The following CCDC169 variants were observed in gnomAD, a reference collection of about 807,000 sequenced individuals.
CCDC169 encodes coiled-coil domain containing 169, also known as coiled-coil domain-containing protein 169.
A neutral mutation model predicts 36.0 loss-of-function variants in CCDC169; 30 were observed. The ratio of observed to expected loss-of-function variants is 0.83; its 90% CI spans 0.62 to 1.13. The LOEUF is 1.13. Ranked by LOEUF, CCDC169 falls within the 50% of genes most tolerant of loss-of-function variation. CCDC169 has a pLI of 0.00. For synonymous variants in CCDC169, 85 were observed against 81.5 expected (o/e 1.04, Z -0.23); for missense variants, 245 against 245.9 (o/e 1.00, Z 0.03).
At chr13:36,227,220 TGA>T (rs1192017343), downstream of CCDC169, 1 of 1,548,494 alleles carries the variant, frequency 6.5e-7, no homozygotes, top group East Asian at 2.4e-5. Context: ...CAGGTGAGTC[TGA>T]CACACAGCCA....
chr13:36,234,446 A>C (rs1166609340), intron 7 of CCDC169, among the ~76,000 whole-genome samples: 9 of 152,250 alleles, frequency 5.9e-5, no homozygotes, highest in Middle Eastern at 3.4e-3. Context: ...AATAGCTAAA[A>C]ATTTCCCAAA....
chr13:36,230,849 C>T lies in CCDC169; in HGVS notation c.*344G>A. ...AAATGGCAAAAAGGTTTTATGAATA[C>T]ACACTTTTTGCTAACAGTCAACTAG... On this transcript the variant is annotated 3_prime_UTR_variant, in exon 8 of 8. Transcript: ENST00000239859. The T allele has an allele frequency of 1.2e-5, 12 of 999,380 alleles. No individual in the cohort carries two copies. Among genetic ancestry groups the T allele is most frequent in the Non-Finnish European group, 1.4e-5 (12 of 839,760 alleles). The allele number at this position is 999,380 out of a possible 1,614,324, so 61.9% of individuals were successfully genotyped here.
chr13:36,226,891 C>T (rs1309613901), downstream of CCDC169: 2 of 380,758 alleles, frequency 5.3e-6, no homozygotes, highest in Non-Finnish European at 9.3e-6. Context: ...CAAATCTCAG[C>T]ATTATACAAT....
chr13:36,223,043 C>T (rs1869695680), downstream of CCDC169: 1 of 152,122 alleles, frequency 6.6e-6, no homozygotes, highest in South Asian at 2.1e-4. Context: ...CAGATATAAG[C>T]TCATTGAACA....
At position 36,297,774 on chromosome 13, in the gene CCDC169, A is replaced by C. The variant is rs1163571625; in HGVS notation, c.-55T>G. On this transcript the variant is annotated 5_prime_UTR_variant, in exon 1 of 8. Coordinates refer to ENST00000239859, the MANE Select transcript of CCDC169 (RefSeq NM_001144981.3). ...TCCCCTCAGCACCTTAGAGCACAAG[A>C]CATTAAGGGCCACCCAGAAGCCAGT... 6.7e-7 allele frequency: 1 copy of C among 1,488,894 alleles called. No individual in the cohort carries two copies. Among genetic ancestry groups the C allele is most frequent in the African/African-American group, 1.4e-5 (1 of 71,992 alleles). 92.2% of individuals were successfully genotyped at this position (1,488,894 alleles called of 1,614,324 possible).
At chr13:36,246,673 A>G (rs538205689) in intron 7 of CCDC169, among the ~76,000 whole-genome samples, 1 of 152,364 alleles carries the variant, frequency 6.6e-6, no homozygotes, top group East Asian at 1.9e-4. Flanking sequence ...AATATGTCTT[A>G]TGTGTTGCAG....
chr13:36,257,634 C>T (rs950476917), intron 4 of CCDC169, among the ~76,000 whole-genome samples: 3 of 151,074 alleles, frequency 2.0e-5, no homozygotes, highest in African/African-American at 4.9e-5. Context: ...ACGCGGGAGG[C>T]GGGGGTTGTA....
At position 36,297,794 on chromosome 13, in the gene CCDC169, G is replaced by T; in HGVS notation, c.-75C>A. 7.2e-7 allele frequency: 1 copy of T among 1,384,902 alleles called. No individual in the cohort carries two copies. Among genetic ancestry groups the T allele is most frequent in the East Asian group, 2.5e-5 (1 of 39,986 alleles). The allele number at this position is 1,384,902 out of a possible 1,614,324, so 85.8% of individuals were successfully genotyped here. On this transcript the variant is annotated 5_prime_UTR_variant, in exon 1 of 8. Transcript: ENST00000239859. ...ACAAGACATTAAGGGCCACCCAGAA[G>T]CCAGTACGGCACGAGGCGGTGAACC...
At chr13:36,235,026 G>A (rs1870909665) in intron 7 of CCDC169, among the ~76,000 whole-genome samples, 2 of 151,850 alleles carry the variant, frequency 1.3e-5, no homozygotes, top group African/African-American at 4.8e-5. Context: ...TCTGTTGATG[G>A]AAACAAAATG....
At chr13:36,265,210 G>A (rs1875121045) in intron 4 of CCDC169, among the ~76,000 whole-genome samples, 1 of 152,164 alleles carries the variant, frequency 6.6e-6, no homozygotes, top group African/African-American at 2.4e-5. Context: ...TTCAGGGTAG[G>A]AGTTTGCCCT....
chr13:36,229,692 C>G (rs1336581567), downstream of CCDC169, among the ~76,000 whole-genome samples: 1 of 151,852 alleles, frequency 6.6e-6, no homozygotes, highest in Non-Finnish European at 1.5e-5. Context: ...CATGCACAAC[C>G]ACTCCAGGCT....
Position 36,253,796 on chromosome 13 carries a change from G to T in CCDC169, c.468+7C>A, listed in dbSNP as rs568355610. 7 of 1,545,196 alleles carry T rather than the reference G, an allele frequency of 4.5e-6. No individual in the cohort carries two copies. The African/African-American group carries it at 9.6e-5, about 21-fold the overall frequency. On this transcript the variant is annotated splice_region_variant and intron_variant, in intron 6 of 7. Transcript: ENST00000239859. ...ACACTTAGAATTTGGAAATAAAAAA[G>T]AGTTACCTGAGACATTTCAGCTAGG...
chr13:36,225,187 C>T (rs1869802784), downstream of CCDC169: 1 of 13,870 alleles, frequency 7.2e-5, no homozygotes, highest in South Asian at 5.5e-3. Context: ...CTATAAGAAT[C>T]CTAGAAGAAA....
chr13:36,250,970 T>C (rs9546878), intron 6 of CCDC169, among the ~76,000 whole-genome samples: 61,393 of 151,844 alleles, frequency 0.4, 13,144 homozygotes, highest in Non-Finnish European at 0.48. Flanking sequence ...TAAAATCCTA[T>C]GTTTACAAAG....
chr13:36,285,614 G>GATAGATAGATAGATACATAGATAC (rs568184993), intron 2 of CCDC169, among the ~76,000 whole-genome samples: 134 of 138,168 alleles, frequency 9.7e-4, no homozygotes, highest in Middle Eastern at 4.1e-3. Context: ...TAGATAGATA[G>GATAGATAGATAGATACATAGATAC]ATAGATACAT....
chr13:36,295,922 T>C, intron 1 of CCDC169, 65 bp from the exon 2 acceptor site: 1 of 899,094 alleles, frequency 1.1e-6, no homozygotes, highest in East Asian at 2.7e-5. Context: ...AAATAATACA[T>C]AGTAACCCAC....
chr13:36,237,932 G>T (rs999393894), intron 7 of CCDC169, among the ~76,000 whole-genome samples: 4 of 152,312 alleles, frequency 2.6e-5, no homozygotes, highest in East Asian at 3.9e-4. Flanking sequence ...ATAGCTAGGT[G>T]TGAAGTAGGA....
chr13:36,230,422 C>G (rs1348365750), downstream of CCDC169, among the ~76,000 whole-genome samples: 1 of 152,204 alleles, frequency 6.6e-6, no homozygotes, highest in Non-Finnish European at 1.5e-5. Context: ...CTCATTCTAT[C>G]TCCACATCTG....
chr13:36,289,717 T>C (rs1255485180), intron 2 of CCDC169, among the ~76,000 whole-genome samples: 1 of 152,206 alleles, frequency 6.6e-6, no homozygotes, highest in Admixed American at 6.5e-5. Context: ...TTAGAAAAAC[T>C]GAGACCTAAA....
Sources: allele counts gnomAD v4.1 joint callset (sites outside exome capture counted in the v4.1 genomes callset), GRCh38; gene constraint gnomAD v4.1.1; transcripts MANE v1.5; gene names NCBI Gene and HGNC (gene_info 2026-07-23, HGNC 2026-07-21).